Variants in C1QTNF9B observed in about 807,000 individuals in gnomAD.
The protein encoded by C1QTNF9B is complement C1q and tumor necrosis factor-related protein 9B.
In C1QTNF9B, 9 loss-of-function variants were observed where a neutral mutation model predicts 10.1. The observed-to-expected ratio is 0.89, with a 90% confidence interval of 0.53 to 1.55. C1QTNF9B has a LOEUF of 1.55. Ranked by LOEUF, C1QTNF9B falls within the 40% of genes most tolerant of loss-of-function variation. The pLI is 0.00. For missense variants in C1QTNF9B, 196 were observed against 414.4 expected (o/e 0.47, Z 4.58); for synonymous variants, 79 against 159.9 (o/e 0.49, Z 3.82).
upstream of C1QTNF9B, chr13:23,897,108 C>T: frequency 7.2e-6 from 10 of 1,394,766 alleles, no homozygotes; most frequent in Non-Finnish European, 9.8e-6. Context: ...CTGTCCCCTG[C>T]CCCAGACCCA....
chr13:23,891,396 C>T (rs1371781605), exon 3 of C1QTNF9B: 3 of 1,581,880 alleles, frequency 1.9e-6, no homozygotes, highest in South Asian at 1.1e-5. Flanking sequence ...CACATCTCAT[C>T]CCCGAGCTTC....
chr13:23,896,925 T>C lies in C1QTNF9B; in HGVS notation c.62A>G (p.Asp21Gly), dbSNP rs749349151. 51 of 1,613,944 alleles carry C rather than the reference T, an allele frequency of 3.2e-5. No homozygotes were observed. The highest frequency in any genetic ancestry group is 4.2e-5 in the Non-Finnish European group (49 of 1,180,006). ...TCCAGGGTGCCCTTGCCTGCAGGTG[T>C]CCTGTGAGTTTATGTTCCCTGTGCA... is the stretch of plus-strand genomic sequence containing the variant. The change falls in exon 1 of 3, where the codon GAC becomes GGC. Residue 21 changes from aspartate (D) to glycine (G), a missense_variant. Around this residue, in one of 5 missense-constraint regions of C1QTNF9B, gnomAD observed 46 missense variants for 64.5 expected, o/e 0.71. Transcript: ENST00000382137.
intron 1 of C1QTNF9B, chr13:23,894,711 T>A (rs1229262366): frequency 4.4e-6 from 2 of 449,442 alleles, no homozygotes; most frequent in Non-Finnish European, 8.9e-6. Context: ...TCTGGAGGGA[T>A]CCCTCTAGTG....
chr13:23,892,170 T>A, intron 2 of C1QTNF9B, 109 bp from the exon 5 acceptor site: 1 of 1,419,566 alleles, frequency 7.0e-7, no homozygotes. Flanking sequence ...AGTACACAGG[T>A]TCAGTATATG....
chr13:23,892,524 A>T (rs2137564816), intron 2 of C1QTNF9B, among the ~76,000 whole-genome samples: 1 of 152,224 alleles, frequency 6.6e-6, no homozygotes, highest in African/African-American at 2.4e-5. Context: ...GTGCGGTGGC[A>T]CACAATTGTA....
exon 3 of C1QTNF9B, chr13:23,891,201 G>C (rs1871901647): frequency 1.7e-6 from 2 of 1,180,124 alleles, no homozygotes; most frequent in Non-Finnish European, 2.3e-6. Context: ...GTAATAATTG[G>C]AGGAATTAAT....
In C1QTNF9B at chr13:23,893,907, T is replaced by C. The variant is rs143246260; in HGVS notation, c.229+232A>G. 9.1e-3 allele frequency among the ~76,000 whole-genome samples: 1,389 copies of C among 152,344 alleles called. 8 individuals carry two copies. Among genetic ancestry groups the C allele is most frequent in the Non-Finnish European group, 0.014 (986 of 68,040 alleles). On this transcript the variant is annotated intron_variant, in intron 2 of 2. Transcript: ENST00000382137. ...ATTTATGGAGCATCTACAGCTTCTT[T>C]TCACTACAAGGGGAAGTTGAGTAGT...
At position 23,895,485 on chromosome 13, in the gene C1QTNF9B, A is replaced by G. The variant is rs1872169417; in HGVS notation, c.167-1284T>C. Among the ~76,000 whole-genome samples the G allele has an allele frequency of 2.0e-5, 3 of 151,928 alleles. No individual in the cohort carries two copies. The East Asian group carries it at 6.1e-4, about 31-fold the overall frequency. On this transcript the variant is annotated intron_variant, in intron 1 of 2. Coordinates refer to ENST00000382137, the Ensembl canonical transcript of C1QTNF9B. ...TTCTAAGAAAGAATATATATTACAA[A>G]TAATACTTATGAATTACATAGAAAA...
At chr13:23,894,595 C>T (rs1454792634) in intron 1 of C1QTNF9B, 2 of 486,708 alleles carry the variant, frequency 4.1e-6, no homozygotes, top group Admixed American at 2.3e-5. Context: ...CACTCTGTTT[C>T]TCTTCCATTA....
intron 2 of C1QTNF9B, 93 bp downstream of exon 4, chr13:23,894,046 A>T: frequency 7.1e-7 from 1 of 1,399,306 alleles, no homozygotes; most frequent in Non-Finnish European, 1.0e-6. Context: ...CCTTTATTAT[A>T]AGATTATAAT....
chr13:23,897,072 G>A (rs535719611), upstream of C1QTNF9B: 107 of 1,566,688 alleles, frequency 6.8e-5, no homozygotes, highest in Middle Eastern at 1.7e-4. Context: ...CACAGCCTCC[G>A]TTCTGTGCAG....
chr13:23,891,669 G>A lies in C1QTNF9B; in HGVS notation c.622C>T (p.Leu208Phe), dbSNP rs765193163. ...GAAGGAAACTTGCTCAGCACCGTGA[G>A]CCCCACAGTGAAAGCACTTTTTGGC... Residue 208 changes from leucine to phenylalanine, a missense_variant, in exon 3 of 3, where the codon CTC (leucine) becomes TTC (phenylalanine). Coordinates refer to ENST00000382137, the Ensembl canonical transcript of C1QTNF9B. The A allele has an allele frequency of 8.1e-6, 13 of 1,613,838 alleles. No homozygotes were observed. In the South Asian group the frequency reaches 1.4e-4, roughly 18 times the overall value.
rs190053332 is a variant in C1QTNF9B at position 23,894,999 on chromosome 13, C to T, written c.167-798G>A. 3.6e-3 allele frequency among the ~76,000 whole-genome samples: 541 copies of T among 152,272 alleles called. 1 individual carries two copies. The highest frequency in any genetic ancestry group is 5.7e-3 in the Non-Finnish European group (390 of 68,020). On this transcript the variant is annotated intron_variant, in intron 1 of 2. Coordinates refer to ENST00000382137, the Ensembl canonical transcript of C1QTNF9B. ...GTGGGGCGACAGGCGCAGGCTGGGC[C>T]GGCTTGCAGGTCCTGAGACAGGACT...
At chr13:23,892,793 A>T (rs1872062134) in intron 2 of C1QTNF9B, among the ~76,000 whole-genome samples, 2 of 152,200 alleles carry the variant, frequency 1.3e-5, no homozygotes, top group African/African-American at 4.8e-5. Context: ...CAACCCTACC[A>T]TCTAAGTCTA....
At chr13:23,893,461 AT>A (rs1364877730) in intron 2 of C1QTNF9B, among the ~76,000 whole-genome samples, 1 of 151,768 alleles carries the variant, frequency 6.6e-6, no homozygotes, top group African/African-American at 2.4e-5. Context: ...CATGGTTGAC[AT>A]TTTTTTTGTT....
intron 1 of C1QTNF9B, among the ~76,000 whole-genome samples, chr13:23,896,014 A>G (rs1872189589): frequency 6.6e-6 from 1 of 152,218 alleles, no homozygotes; most frequent in Non-Finnish European, 1.5e-5. Flanking sequence ...AAAAACTATC[A>G]GGCCACCAAA....
rs772555574 is a variant in C1QTNF9B, at chr13:23,896,810, C to G, written c.166+11G>C. 6.2e-7 allele frequency: 1 copy of G among 1,612,466 alleles called. No individual in the cohort carries two copies. The highest frequency in any genetic ancestry group is 1.3e-5 in the African/African-American group (1 of 74,926). On this transcript the variant is annotated intron_variant, in intron 1 of 2. Transcript: ENST00000382137. The stretch of plus-strand genomic sequence containing the variant: ...GAAGCTCAAAGGCAGCCGAAGCCGT[C>G]AGGTGAGTACCTGCATCGCCTTTGT...
rs11838933 is a variant in C1QTNF9B at position 23,891,334 on chromosome 13, G to A, written c.957C>T (p.Asp319=). Residue 319 remains aspartate, a synonymous_variant, in exon 3 of 3, where the codon GAC becomes GAT. Coordinates refer to ENST00000382137, the Ensembl canonical transcript of C1QTNF9B. ...GGAACCCTGTGAAAGTTGTGTCATC[G>A]TCCTCATCAGCAAACAAGCCATTGA... The A allele has an allele frequency of 2.6e-3, 4,030 of 1,566,330 alleles. 426 individuals carry two copies. In the African/African-American group the frequency reaches 0.049, roughly 19 times the overall value.
upstream of C1QTNF9B, chr13:23,897,091 G>A: frequency 6.6e-7 from 1 of 1,517,018 alleles, no homozygotes; most frequent in Non-Finnish European, 9.0e-7. Flanking sequence ...AGTGGGAAAT[G>A]GATGAGCTGT....
Sources: gnomAD v4.1 joint callset for allele counts (sites outside exome capture counted in the v4.1 genomes callset) on GRCh38, gnomAD v4.1.1 for gene constraint, gnomAD v4.1.1 regional missense constraint, MANE v1.5 for transcripts, NCBI Gene and HGNC (gene_info 2026-07-23, HGNC 2026-07-21) for gene names.